The following AK9 variants were observed in gnomAD, a reference collection of about 807,000 sequenced individuals.
The protein encoded by AK9 is adenylate kinase 9.
AK9 carries 191 observed loss-of-function variants against 239.6 expected under a neutral mutation model. The ratio of observed to expected loss-of-function variants is 0.80; its 90% CI spans 0.71 to 0.90. The LOEUF is 0.90. Among genes scored for constraint, AK9 ranks in the 40% least tolerant of loss-of-function variants. AK9 has a pLI of 0.00. For synonymous variants in AK9, 689 were observed against 721.0 expected, an observed-to-expected ratio of 0.96 and a Z score of 0.71; for missense variants, 1,995 against 2,214.7, an observed-to-expected ratio of 0.90 and a Z score of 1.99.
At chr6:109,557,936 C>T (rs1303981) in intron 24 of AK9, among the ~76,000 whole-genome samples, 13,102 of 152,236 alleles carry the variant, frequency 0.086, 921 homozygotes, top group African/African-American at 0.19. Flanking sequence ...GCATTCTAAT[C>T]ACTATCTAAT....
chr6:109,670,587 T>C (rs1048500396), intron 5 of AK9, among the ~76,000 whole-genome samples: 7 of 152,196 alleles, frequency 4.6e-5, no homozygotes, highest in Admixed American at 4.6e-4. Flanking sequence ...ACTGAGTTTC[T>C]TCGTGTTGTT....
intron 26 of AK9, 79 bp downstream of exon 26, chr6:109,545,788 T>C (rs1783474676): frequency 3.3e-6 from 5 of 1,495,452 alleles, no homozygotes; most frequent in Admixed American, 4.5e-5. Context: ...GGGTGACAGA[T>C]GGAGACCCTG....
chr6:109,527,096 G>A (rs1780619895), intron 29 of AK9, among the ~76,000 whole-genome samples: 1 of 152,118 alleles, frequency 6.6e-6, no homozygotes, highest in Non-Finnish European at 1.5e-5. Flanking sequence ...ACACCTAATG[G>A]AGACCCAGAG....
At chr6:109,590,072 G>C (rs1374707470) in intron 17 of AK9, among the ~76,000 whole-genome samples, 2 of 152,052 alleles carry the variant, frequency 1.3e-5, no homozygotes, top group African/African-American at 4.8e-5. Flanking sequence ...GAGTGATGCT[G>C]GCTTCATGGA....
Position 109,633,326 on chromosome 6 carries a change from G to C in AK9, c.934-3C>G. 2 of 1,589,018 alleles carry C rather than the reference G, an allele frequency of 1.3e-6. No homozygotes were observed. The highest frequency in any genetic ancestry group is 1.7e-6 in the Non-Finnish European group (2 of 1,175,608). On this transcript the variant is annotated splice_region_variant and splice_polypyrimidine_tract_variant and intron_variant, in intron 10 of 40. Transcript: ENST00000424296. ...GCAAGAGTACGAAATAGCTCATCCT[G>C]TGAATTGCAAATACTACATTAAAAA...
At chr6:109,567,548 G>A (rs1411542648) in intron 21 of AK9, among the ~76,000 whole-genome samples, 1 of 152,008 alleles carries the variant, frequency 6.6e-6, no homozygotes, top group East Asian at 1.9e-4. Flanking sequence ...CCAATCAATG[G>A]GAAAAGGGAA....
chr6:109,557,854 C>A (rs149319585), intron 24 of AK9, among the ~76,000 whole-genome samples: 1 of 152,138 alleles, frequency 6.6e-6, no homozygotes, highest in Admixed American at 6.5e-5. Flanking sequence ...TATATTCCCA[C>A]GAGCAGTATA....
intron 25 of AK9, among the ~76,000 whole-genome samples, chr6:109,546,384 A>T (rs1582940684): frequency 6.6e-6 from 1 of 152,382 alleles, no homozygotes; most frequent in East Asian, 1.9e-4. Flanking sequence ...GCATTTAATA[A>T]AATAGAGTTT....
intron 21 of AK9, among the ~76,000 whole-genome samples, chr6:109,565,169 T>G (rs1192514803): frequency 1.3e-5 from 2 of 152,198 alleles, no homozygotes; most frequent in African/African-American, 4.8e-5. Context: ...GATATTCCTT[T>G]TAATTTCTTA....
At position 109,633,326 on chromosome 6, in the gene AK9, G is replaced by A. The variant is rs1281712036; in HGVS notation, c.934-3C>T. 6.3e-7 allele frequency: 1 copy of A among 1,589,018 alleles called. No homozygotes were observed. Among genetic ancestry groups the A allele is most frequent in the Non-Finnish European group, 8.5e-7 (1 of 1,175,608 alleles). ...GCAAGAGTACGAAATAGCTCATCCTGTGAATTGCAAATACTACATTAAAAA... is the reference window on the plus strand; with the variant it reads ...GCAAGAGTACGAAATAGCTCATCCTATGAATTGCAAATACTACATTAAAAA... On this transcript the variant is annotated splice_region_variant and splice_polypyrimidine_tract_variant and intron_variant, in intron 10 of 40. Coordinates refer to ENST00000424296, the MANE Select transcript of AK9 (RefSeq NM_001145128.3).
intron 24 of AK9, among the ~76,000 whole-genome samples, chr6:109,562,813 G>A (rs544563428): frequency 3.9e-5 from 6 of 151,994 alleles, no homozygotes; most frequent in Admixed American, 1.3e-4. Flanking sequence ...TATTACAGCC[G>A]GCCTGATAAT....
At chr6:109,564,894 C>T (rs1030278799) in intron 21 of AK9, 49 bp from the exon 22 acceptor site, 1 of 1,366,992 alleles carries the variant, frequency 7.3e-7, no homozygotes, top group Middle Eastern at 1.8e-4. Flanking sequence ...AAACATTATT[C>T]CTTTATGAAA....
chr6:109,511,060 G>GT (rs200285676), intron 32 of AK9, among the ~76,000 whole-genome samples: 11,810 of 123,090 alleles, frequency 0.096, 792 homozygotes, highest in African/African-American at 0.2. Context: ...AAATCTGCTT[G>GT]TTTTTTTTTT....
chr6:109,537,310 A>C (rs780735419), intron 27 of AK9, among the ~76,000 whole-genome samples: 1 of 151,966 alleles, frequency 6.6e-6, no homozygotes, highest in African/African-American at 2.4e-5. Flanking sequence ...CAGGGATTCA[A>C]CTTCTTCCTA....
In AK9 at chr6:109,497,560, A is replaced by G; in HGVS notation, c.5220T>C (p.Tyr1740=). 1 of 1,591,210 alleles carries G rather than the reference A, an allele frequency of 6.3e-7. No homozygotes were observed. The highest frequency in any genetic ancestry group is 8.6e-7 in the Non-Finnish European group (1 of 1,163,508). The part of the protein sequence containing the change: ...PVTYKDGNQR[Y]EALVPGSINY... ...TAATGCTACCAGGTACTAGAGCTTCATATCTGGAAGACCAAAAAACAAAAC... is the reference window on the plus strand; with the variant it reads ...TAATGCTACCAGGTACTAGAGCTTCGTATCTGGAAGACCAAAAAACAAAAC... Residue 1740 remains tyrosine, a synonymous_variant, in exon 38 of 41, where the codon TAT becomes TAC. Coordinates refer to ENST00000424296, the MANE Select transcript of AK9 (RefSeq NM_001145128.3).
chr6:109,623,872 C>A (rs895578485), intron 12 of AK9, among the ~76,000 whole-genome samples: 1 of 145,446 alleles, frequency 6.9e-6, no homozygotes, highest in African/African-American at 2.7e-5. Flanking sequence ...GACACACACA[C>A]ACACACACAC....
Position 109,644,687 on chromosome 6 carries a change from T to G in AK9, c.761A>C (p.Glu254Ala). Residue 254 changes from glutamate (E) to alanine (A), a missense_variant and splice_region_variant, in exon 9 of 41, where the codon GAA becomes GCA. Glu to Ala is a moderately radical substitution (Grantham distance 107, BLOSUM62 -1). Around this residue, in one of 5 missense-constraint regions of AK9, gnomAD observed 1,290 missense variants for 1,392.7 expected, o/e 0.93. Coordinates refer to ENST00000424296, the MANE Select transcript of AK9 (RefSeq NM_001145128.3). ...CTGGGGATTGTGTTCAGCCATTACT[T>G]CCTGCAGATAATAGAAAAGAAACTT... ...YKETILQTLE[E>A]VMAEHNPQYL... 1 of 1,608,450 alleles carries G rather than the reference T, an allele frequency of 6.2e-7. No individual in the cohort carries two copies. The highest frequency in any genetic ancestry group is 1.1e-5 in the South Asian group (1 of 89,848).
intron 17 of AK9, 128 bp downstream of exon 17, chr6:109,610,225 CTGACTACAAAAT>C (rs1793410711): frequency 9.3e-7 from 1 of 1,080,096 alleles, no homozygotes; most frequent in Admixed American, 2.7e-5. Context: ...CTTAACAATG[CTGACTACAAAAT>C]GTACATGAAT....
intron 8 of AK9, among the ~76,000 whole-genome samples, chr6:109,650,093 A>G (rs964273903): frequency 6.6e-6 from 1 of 152,256 alleles, no homozygotes; most frequent in Non-Finnish European, 1.5e-5. Flanking sequence ...TTCAAGATGC[A>G]TTAAAGACTT....
Sources: allele counts gnomAD v4.1 joint callset (sites outside exome capture counted in the v4.1 genomes callset), GRCh38; gene constraint gnomAD v4.1.1; regional missense constraint gnomAD v4.1.1; transcripts MANE v1.5; gene names NCBI Gene and HGNC (gene_info 2026-07-23, HGNC 2026-07-21).